SAMD5: variants seen among roughly 807,000 people sequenced by gnomAD.
The protein encoded by SAMD5 is sterile alpha motif domain containing 5.
A neutral mutation model predicts 11.3 loss-of-function variants in SAMD5; 13 were observed. That is an observed-to-expected ratio of 1.15 (90% CI 0.75 to 1.83). The LOEUF (loss-of-function observed/expected upper bound fraction) is 1.83. Among genes scored for constraint, SAMD5 ranks in the 40% most tolerant of loss-of-function variants. SAMD5 has a pLI of 0.00. For missense variants in SAMD5, 255 were observed against 239.1 expected, an observed-to-expected ratio of 1.07 and a Z score of -0.44; for synonymous variants, 129 against 111.3, an observed-to-expected ratio of 1.16 and a Z score of -1.00.
chr6:147,899,892 C>T, the SAMD5 span, among the ~76,000 whole-genome samples: 1 of 152,110 alleles, frequency 6.6e-6, no homozygotes, highest in Non-Finnish European at 1.5e-5. Context: ...GGGCCCCTTC[C>T]CTGGTAGAAG....
At chr6:147,807,093 T>C in the SAMD5 span, among the ~76,000 whole-genome samples, 3 of 152,068 alleles carry the variant, frequency 2.0e-5, no homozygotes, top group Admixed American at 2.0e-4. Flanking sequence ...TTTTTTGTTT[T>C]GTTTTGTTTT....
the SAMD5 span, among the ~76,000 whole-genome samples, chr6:147,818,824 C>T: frequency 1.3e-5 from 2 of 152,112 alleles, no homozygotes; most frequent in African/African-American, 4.8e-5. Flanking sequence ...TACAGTTACC[C>T]CTTGTGACCC....
chr6:147,710,544 G>A (rs193103195), intron 1 of SAMD5, among the ~76,000 whole-genome samples: 9 of 152,250 alleles, frequency 5.9e-5, no homozygotes, highest in Non-Finnish European at 1.2e-4. Context: ...GGCCCACTCC[G>A]TTACGGTTAT....
chr6:147,512,296 T>C (rs1317515659), intron 1 of SAMD5, among the ~76,000 whole-genome samples: 5 of 152,148 alleles, frequency 3.3e-5, no homozygotes, highest in African/African-American at 1.2e-4. Flanking sequence ...GAATTCTGCT[T>C]GGTGGAGTGG....
intron 1 of SAMD5, among the ~76,000 whole-genome samples, chr6:147,665,815 A>C (rs9403873): frequency 0.023 from 3,489 of 152,318 alleles, 219 homozygotes; most frequent in Admixed American, 0.14. Flanking sequence ...AAGTCTTAGA[A>C]ATTAATTCAA....
downstream of SAMD5, among the ~76,000 whole-genome samples, chr6:147,739,453 C>G (rs1321488794): frequency 2.6e-5 from 4 of 152,064 alleles, no homozygotes; most frequent in Admixed American, 2.6e-4. Flanking sequence ...ACAAAATTAG[C>G]CAGGCGTAGT....
intron 1 of SAMD5, among the ~76,000 whole-genome samples, chr6:147,554,020 G>A (rs1346076668): frequency 6.6e-6 from 1 of 152,126 alleles, no homozygotes; most frequent in Non-Finnish European, 1.5e-5. Flanking sequence ...ATTCAAAAGG[G>A]AAAGAGCTTT....
the SAMD5 span, among the ~76,000 whole-genome samples, chr6:147,799,772 T>A: frequency 6.6e-6 from 1 of 152,040 alleles, no homozygotes; most frequent in Non-Finnish European, 1.5e-5. Flanking sequence ...TCATTTCTTT[T>A]TATTCTTTTT....
At chr6:147,515,462 A>ATCCATCCATCCATCCATCCC (rs1157172383) in intron 1 of SAMD5, among the ~76,000 whole-genome samples, 1 of 151,448 alleles carries the variant, frequency 6.6e-6, no homozygotes, top group East Asian at 1.9e-4. Flanking sequence ...CCATCCATCC[A>ATCCATCCATCCATCCATCCC]TCCATCCATC....
At position 147,579,454 on chromosome 6, in the gene SAMD5, ATTTTTTTTTTT is replaced by A. The variant is rs3031353; in HGVS notation, c.162+70086_162+70096del. ...GCGATAGTTTGGAAGCAGGCTTTGA[ATTTTTTTTTTT>A]TTTTTTTTTTTTTTTTTTGAGACGG... On this transcript the variant is annotated intron_variant, in intron 1 of 1. Transcript: ENST00000566741. Among the ~76,000 whole-genome samples, 198 of 76,966 alleles carry A rather than the reference ATTTTTTTTTTT, an allele frequency of 2.6e-3. 2 individuals are homozygous for A. Among genetic ancestry groups the A allele is most frequent in the Non-Finnish European group, 1.1e-3 (47 of 43,508 alleles). The allele number at this position is 76,966 out of a possible 152,430, so 50.5% of individuals were successfully genotyped here. A position where few individuals can be genotyped will look rare whatever the true frequency, so the allele number is the denominator to read the frequency against.
the SAMD5 span, among the ~76,000 whole-genome samples, chr6:147,773,778 G>A: frequency 7.2e-5 from 11 of 152,078 alleles, no homozygotes; most frequent in Non-Finnish European, 1.2e-4. Context: ...ATCTGGTTTC[G>A]TGGTTCATAG....
the SAMD5 span, among the ~76,000 whole-genome samples, chr6:147,905,107 C>T: frequency 2.0e-5 from 3 of 152,194 alleles, no homozygotes; most frequent in East Asian, 1.9e-4. Context: ...AGGCTGGTCT[C>T]GAACTCCCGA....
chr6:147,914,208 T>A, the SAMD5 span, among the ~76,000 whole-genome samples: 2 of 151,850 alleles, frequency 1.3e-5, no homozygotes, highest in African/African-American at 4.8e-5. Flanking sequence ...TGTTAGTGTA[T>A]TTTATGCATG....
the SAMD5 span, among the ~76,000 whole-genome samples, chr6:147,899,681 G>C: frequency 6.6e-6 from 1 of 152,180 alleles, no homozygotes; most frequent in African/African-American, 2.4e-5. Flanking sequence ...GTAGGCATTT[G>C]AGTTGTGACC....
At chr6:147,758,929 C>T in the SAMD5 span, among the ~76,000 whole-genome samples, 3 of 152,082 alleles carry the variant, frequency 2.0e-5, no homozygotes, top group Non-Finnish European at 4.4e-5. Context: ...GGATGTAATC[C>T]ATTATTTCTA....
At chr6:147,825,655 T>G in the SAMD5 span, among the ~76,000 whole-genome samples, 1 of 152,208 alleles carries the variant, frequency 6.6e-6, no homozygotes, top group African/African-American at 2.4e-5. Context: ...CTTAATTTCC[T>G]TTGGTAAGCT....
At chr6:147,650,553 A>G (rs1026313144) in intron 1 of SAMD5, among the ~76,000 whole-genome samples, 1 of 152,194 alleles carries the variant, frequency 6.6e-6, no homozygotes, top group African/African-American at 2.4e-5. Flanking sequence ...GGACACGGGC[A>G]TGTTTTAAAC....
the SAMD5 span, among the ~76,000 whole-genome samples, chr6:147,748,802 C>A: frequency 6.6e-6 from 1 of 152,188 alleles, no homozygotes; most frequent in Non-Finnish European, 1.5e-5. Flanking sequence ...GGAGTTAATA[C>A]AAACAGCCAT....
the SAMD5 span, among the ~76,000 whole-genome samples, chr6:147,759,610 CATA>C: frequency 6.6e-6 from 1 of 150,558 alleles, no homozygotes; most frequent in African/African-American, 2.4e-5. Context: ...TATACATACA[CATA>C]ATAATTTTTA....
Sources: allele counts gnomAD v4.1 joint callset (sites outside exome capture counted in the v4.1 genomes callset), GRCh38; gene constraint gnomAD v4.1.1; transcripts MANE v1.5; gene names NCBI Gene and HGNC (gene_info 2026-07-23, HGNC 2026-07-21).